NEMP2: variants seen among roughly 807,000 people sequenced by gnomAD.
NEMP2 encodes the protein UPF0571 transmembrane protein.
A neutral mutation model predicts 54.2 loss-of-function variants in NEMP2; 53 were observed. The ratio of observed to expected loss-of-function variants is 0.98; its 90% CI spans 0.78 to 1.23. The LOEUF (loss-of-function observed/expected upper bound fraction) is 1.23. Ranked by LOEUF, NEMP2 falls within the 50% of genes most tolerant of loss-of-function variation. The pLI is 0.00. For synonymous variants in NEMP2, 197 were observed against 190.3 expected (o/e 1.04, Z -0.29); for missense variants, 455 against 511.3 (o/e 0.89, Z 1.06).
At chr2:190,557,696 T>G in the NEMP2 span, among the ~76,000 whole-genome samples, 1 of 152,174 alleles carries the variant, frequency 6.6e-6, no homozygotes, top group Admixed American at 6.5e-5. Flanking sequence ...AGAAGACATC[T>G]ATGTGGCCAA....
chr2:190,463,333 T>C, the NEMP2 span, among the ~76,000 whole-genome samples: 1 of 152,212 alleles, frequency 6.6e-6, no homozygotes, highest in Non-Finnish European at 1.5e-5. The surrounding 1 kb of genome is among the most constrained non-coding windows in gnomAD (Gnocchi z 4.4). Flanking sequence ...TTCAGGTCAA[T>C]AGTGTGAATC....
At chr2:190,572,929 A>G in the NEMP2 span, among the ~76,000 whole-genome samples, 3 of 145,644 alleles carry the variant, frequency 2.1e-5, no homozygotes, top group Non-Finnish European at 3.0e-5. Flanking sequence ...TCCCAGAACT[A>G]GGATTACTAG....
chr2:190,436,593 C>A, the NEMP2 span: 1 of 1,614,242 alleles, frequency 6.2e-7, no homozygotes. The surrounding 1 kb of genome is among the most constrained non-coding windows in gnomAD (Gnocchi z 5.3). Context: ...TTACCTCTTT[C>A]CTCACCATAT....
rs900469237 is a variant in NEMP2, at chr2:190,525,849, TG to T, written c.98-472del. On this transcript the variant is annotated intron_variant, in intron 1 of 8. Transcript: ENST00000409150. The surrounding 1 kb of genome is among the most constrained non-coding windows in gnomAD (Gnocchi z 5.0). ...TCTTATATTGGTAAGGGAGCATGGA[TG>T]GAAGGTATAGGGATACAAGAAGACA... is the stretch of plus-strand genomic sequence containing the variant. 1.3e-5 allele frequency among the ~76,000 whole-genome samples: 2 copies of T among 152,054 alleles called. No homozygotes were observed. The highest frequency in any genetic ancestry group is 4.8e-5 in the African/African-American group (2 of 41,382).
the NEMP2 span, chr2:190,624,388 T>C: frequency 6.6e-6 from 1 of 152,106 alleles, no homozygotes; most frequent in Non-Finnish European, 1.5e-5. Context: ...GTATAGAAGT[T>C]CCTCAAAAAA....
chr2:190,525,279 AT>A lies in NEMP2; in HGVS notation c.196del (p.Ile66TyrfsTer7). 1 of 1,542,890 alleles carries A rather than the reference AT, an allele frequency of 6.5e-7. No homozygotes were observed. The highest frequency in any genetic ancestry group is 8.8e-7 in the Non-Finnish European group (1 of 1,139,192). On this transcript the variant is annotated frameshift_variant, in exon 2 of 9. Transcript: ENST00000409150. LOFTEE classifies it high-confidence loss of function. The surrounding 1 kb of genome is among the most constrained non-coding windows in gnomAD (Gnocchi z 5.0). The stretch of plus-strand genomic sequence containing the variant: ...GGCCCTTACCTGCATAGTTGACCAT[AT>A]GTATTTCCACTCCACTTGGGAATTT... ...NQNSQVEWKY[I>X]WSTMQVKITS...
At chr2:190,454,517 CTT>C in the NEMP2 span, 1 of 152,162 alleles carries the variant, frequency 6.6e-6, no homozygotes, top group Non-Finnish European at 1.5e-5. This position sits in a 1 kb window ranked among gnomAD's most constrained non-coding sequence, Gnocchi z 4.6. Context: ...GTGTACGACT[CTT>C]TTTCTCTTTC....
chr2:190,492,013 T>C, the NEMP2 span, among the ~76,000 whole-genome samples: 1 of 152,132 alleles, frequency 6.6e-6, no homozygotes, highest in South Asian at 2.1e-4. This position sits in a 1 kb window ranked among gnomAD's most constrained non-coding sequence, Gnocchi z 5.2. Context: ...AAATGCAAAA[T>C]GTTCTGGAAA....
In NEMP2 at chr2:190,516,344, G is replaced by A; in HGVS notation, c.653C>T (p.Ala218Val). ...CAACTGGCATACAATATAAACTGAG[G>A]CAAACCAACAACCAACCATTAGAGC... ...FWALMVGCWF[A>V]SVYIVCQLME... The change falls in exon 6 of 9, where the codon GCC (alanine) becomes GTC (valine). Residue 218 changes from alanine (A) to valine (V), a missense_variant. Physicochemically the swap from Ala to Val is moderately conservative, Grantham distance 64. Transcript: ENST00000409150. The A allele has an allele frequency of 6.4e-7, 1 of 1,551,430 alleles. No individual in the cohort carries two copies. The highest frequency in any genetic ancestry group is 8.7e-7 in the Non-Finnish European group (1 of 1,146,890).
the NEMP2 span, among the ~76,000 whole-genome samples, chr2:190,629,327 AT>A: frequency 1.3e-5 from 2 of 152,162 alleles, no homozygotes; most frequent in Non-Finnish European, 2.9e-5. Flanking sequence ...GATGTCAAAA[AT>A]TTTTTGCACC....
the NEMP2 span, among the ~76,000 whole-genome samples, chr2:190,452,017 A>G: frequency 6.6e-6 from 1 of 151,990 alleles, no homozygotes; most frequent in African/African-American, 2.4e-5. Context: ...TCATCAGCTG[A>G]TGATTCATGT....
chr2:190,437,206 T>A, the NEMP2 span: 31 of 1,614,198 alleles, frequency 1.9e-5, no homozygotes, highest in South Asian at 3.4e-4. The surrounding 1 kb of genome is among the most constrained non-coding windows in gnomAD (Gnocchi z 5.9). Flanking sequence ...CCGGTTCCGC[T>A]ACAACCATTT....
At chr2:190,554,528 C>G in the NEMP2 span, among the ~76,000 whole-genome samples, 1 of 152,212 alleles carries the variant, frequency 6.6e-6, no homozygotes, top group African/African-American at 2.4e-5. This position sits in a 1 kb window ranked among gnomAD's most constrained non-coding sequence, Gnocchi z 5.7. Context: ...ACAGTGTAAA[C>G]AAAGCCACCA....
the NEMP2 span, chr2:190,464,012 GC>G: frequency 2.0e-6 from 1 of 489,258 alleles, no homozygotes; most frequent in Non-Finnish European, 2.7e-6. Context: ...AAAAACTCCA[GC>G]CAGGTATAGC....
At chr2:190,631,505 G>A in the NEMP2 span, among the ~76,000 whole-genome samples, 9 of 152,140 alleles carry the variant, frequency 5.9e-5, no homozygotes, top group Non-Finnish European at 1.2e-4. Flanking sequence ...TTTTGAATAT[G>A]TACCAAAGAG....
At chr2:190,454,943 T>C in the NEMP2 span, among the ~76,000 whole-genome samples, 25 of 62,410 alleles carry the variant, frequency 4.0e-4, no homozygotes, top group Non-Finnish European at 1.7e-4. This position sits in a 1 kb window ranked among gnomAD's most constrained non-coding sequence, Gnocchi z 4.6. Context: ...TATGTATATG[T>C]ATATGTATAT....
chr2:190,441,321 G>A, the NEMP2 span, among the ~76,000 whole-genome samples: 4 of 152,130 alleles, frequency 2.6e-5, no homozygotes, highest in East Asian at 7.8e-4. Context: ...CTAATGCCCA[G>A]GTTGCACCCA....
chr2:190,516,205 A>G, intron 6 of NEMP2, 65 bp downstream of exon 6: 2 of 1,085,082 alleles, frequency 1.8e-6, no homozygotes, highest in Non-Finnish European at 2.6e-6. Flanking sequence ...CTATCAAAAG[A>G]AGGCCTCTAG....
the NEMP2 span, among the ~76,000 whole-genome samples, chr2:190,496,710 A>T: frequency 1.3e-5 from 2 of 152,206 alleles, no homozygotes; most frequent in Non-Finnish European, 2.9e-5. This position sits in a 1 kb window ranked among gnomAD's most constrained non-coding sequence, Gnocchi z 4.7. Context: ...ACATACATAC[A>T]CAATGGAATA....
Sources: allele counts gnomAD v4.1 joint callset (sites outside exome capture counted in the v4.1 genomes callset), GRCh38; gene constraint gnomAD v4.1.1; non-coding constraint Gnocchi (gnomAD v3.1); transcripts MANE v1.5; gene names NCBI Gene and HGNC (gene_info 2026-07-23, HGNC 2026-07-21).